The following XKR9 variants were observed in gnomAD, a reference collection of about 807,000 sequenced individuals.
XKR9 encodes the protein XK related 9, also known as XK-related protein 9.
A neutral mutation model predicts 32.0 loss-of-function variants in XKR9; 32 were observed. That is an observed-to-expected ratio of 1.00 (90% CI 0.76 to 1.34). The LOEUF is 1.34. Ranked by LOEUF, XKR9 falls within the 40% of genes most tolerant of loss-of-function variation. The pLI is 0.00. For synonymous variants in XKR9, 168 were observed against 143.4 expected, an observed-to-expected ratio of 1.17 and a Z score of -1.22; for missense variants, 546 against 429.7, an observed-to-expected ratio of 1.27 and a Z score of -2.39.
At chr8:70,908,602 G>A in the XKR9 span, among the ~76,000 whole-genome samples, 1 of 152,150 alleles carries the variant, frequency 6.6e-6, no homozygotes, top group Non-Finnish European at 1.5e-5. Flanking sequence ...GGAGCCATAT[G>A]GTCTTTGTTG....
At chr8:70,781,900 T>C (rs1401127951) in intron 2 of XKR9, among the ~76,000 whole-genome samples, 1 of 152,194 alleles carries the variant, frequency 6.6e-6, no homozygotes, top group Non-Finnish European at 1.5e-5. Context: ...TTGAATTACT[T>C]ATAGCACTTG....
chr8:70,679,411 A>G (rs1295192726), intron 2 of XKR9, among the ~76,000 whole-genome samples: 2 of 152,218 alleles, frequency 1.3e-5, no homozygotes, highest in Admixed American at 6.5e-5. Context: ...CCTATAAGGT[A>G]TATACCATTA....
At chr8:70,780,109 C>T (rs1807593832) in intron 2 of XKR9, among the ~76,000 whole-genome samples, 1 of 151,856 alleles carries the variant, frequency 6.6e-6, no homozygotes, top group Non-Finnish European at 1.5e-5. Context: ...AGAGATATTT[C>T]TTCTTTTAAT....
chr8:71,018,369 G>C, the XKR9 span, among the ~76,000 whole-genome samples: 1 of 152,194 alleles, frequency 6.6e-6, no homozygotes, highest in Non-Finnish European at 1.5e-5. Flanking sequence ...AGAGGAAAAT[G>C]TGGTATAAGA....
At chr8:71,052,196 C>G in the XKR9 span, among the ~76,000 whole-genome samples, 1 of 152,184 alleles carries the variant, frequency 6.6e-6, no homozygotes. Context: ...ATGCAGCATC[C>G]AATGATCAAT....
downstream of XKR9, among the ~76,000 whole-genome samples, chr8:70,791,594 CTCTT>C (rs1351768867): frequency 2.0e-5 from 3 of 151,898 alleles, no homozygotes; most frequent in Non-Finnish European, 2.9e-5. Context: ...CTTTCCATCC[CTCTT>C]TCTTTCTCTT....
chr8:70,826,976 C>T, the XKR9 span, among the ~76,000 whole-genome samples: 1 of 152,092 alleles, frequency 6.6e-6, no homozygotes, highest in African/African-American at 2.4e-5. Flanking sequence ...CATGTAGCTT[C>T]TTTAATGATC....
At chr8:70,843,755 T>A in the XKR9 span, among the ~76,000 whole-genome samples, 47 of 152,252 alleles carry the variant, frequency 3.1e-4, no homozygotes, top group African/African-American at 1.1e-3. Context: ...AGGAATGGCA[T>A]AGTGACCTGC....
the XKR9 span, among the ~76,000 whole-genome samples, chr8:71,001,683 TGAG>T: frequency 6.6e-6 from 1 of 152,188 alleles, no homozygotes; most frequent in African/African-American, 2.4e-5. Context: ...GTACTAGGGA[TGAG>T]GATACAGCAC....
chr8:70,812,093 AT>A, the XKR9 span, among the ~76,000 whole-genome samples: 3 of 152,202 alleles, frequency 2.0e-5, no homozygotes, highest in Non-Finnish European at 4.4e-5. Flanking sequence ...CTTATCCACC[AT>A]GATCAAGTGG....
chr8:70,813,326 A>G, the XKR9 span, among the ~76,000 whole-genome samples: 1 of 152,208 alleles, frequency 6.6e-6, no homozygotes. Flanking sequence ...GTTAGACCTA[A>G]AACCATAAAC....
At chr8:70,981,740 T>G in the XKR9 span, among the ~76,000 whole-genome samples, 1 of 152,178 alleles carries the variant, frequency 6.6e-6, no homozygotes, top group African/African-American at 2.4e-5. Flanking sequence ...ACCAGAATTG[T>G]TTTTTTGGTT....
At chr8:70,918,063 G>A in the XKR9 span, among the ~76,000 whole-genome samples, 1 of 152,230 alleles carries the variant, frequency 6.6e-6, no homozygotes, top group Non-Finnish European at 1.5e-5. Flanking sequence ...GGTGTGGAAA[G>A]CGTTGAGGGA....
the XKR9 span, among the ~76,000 whole-genome samples, chr8:70,819,734 A>C: frequency 1.3e-5 from 2 of 152,190 alleles, no homozygotes; most frequent in African/African-American, 2.4e-5. Context: ...GTCCTTGCCA[A>C]GGGTTTTCTC....
chr8:70,719,777 C>T (rs1158298266), intron 4 of XKR9, among the ~76,000 whole-genome samples: 1 of 151,976 alleles, frequency 6.6e-6, no homozygotes, highest in East Asian at 1.9e-4. Context: ...GCTATATGGG[C>T]TTTTTTTAAT....
In XKR9 at chr8:70,681,230, TTTAG is replaced by T. The variant is rs1819070740; in HGVS notation, c.176_179del (p.Ser59IlefsTer8). ...TTTTGGAACACTTGTGGCTCAGTGT[TTTAG>T]TTATTCTTGGTTCAAGGCTGATTTA... is the stretch of plus-strand genomic sequence containing the variant. On this transcript the variant is annotated frameshift_variant, in exon 3 of 5. Coordinates refer to ENST00000408926, the MANE Select transcript of XKR9 (RefSeq NM_001011720.2). LOFTEE classifies it high-confidence loss of function. 2 of 1,613,382 alleles carry T rather than the reference TTTAG, an allele frequency of 1.2e-6. No individual in the cohort carries two copies. The highest frequency in any genetic ancestry group is 8.5e-7 in the Non-Finnish European group (1 of 1,179,608).
chr8:70,704,891 C>T (rs1455533483), intron 3 of XKR9, among the ~76,000 whole-genome samples: 1 of 152,062 alleles, frequency 6.6e-6, no homozygotes, highest in Non-Finnish European at 1.5e-5. Context: ...TCAACATTTG[C>T]CTTTCTAATG....
downstream of XKR9, among the ~76,000 whole-genome samples, chr8:70,736,842 C>A (rs1193268067): frequency 6.6e-6 from 1 of 151,274 alleles, no homozygotes; most frequent in East Asian, 1.9e-4. Flanking sequence ...TGTTTTGGTA[C>A]CAGTACCATG....
At chr8:71,027,784 G>A in the XKR9 span, among the ~76,000 whole-genome samples, 10 of 49,752 alleles carry the variant, frequency 2.0e-4, no homozygotes, top group Non-Finnish European at 4.0e-4. Flanking sequence ...TTTGGCGGGG[G>A]GGGGGGGTCT....
Sources: allele counts gnomAD v4.1 joint callset (sites outside exome capture counted in the v4.1 genomes callset), GRCh38; gene constraint gnomAD v4.1.1; transcripts MANE v1.5; gene names NCBI Gene and HGNC (gene_info 2026-07-23, HGNC 2026-07-21).